The following TRIO variants were observed in gnomAD, a reference collection of about 807,000 sequenced individuals.
The protein encoded by TRIO is trio Rho guanine nucleotide exchange factor.
TRIO carries 58 observed loss-of-function variants against 351.9 expected under a neutral mutation model. The observed-to-expected ratio is 0.16, with a 90% CI of 0.13 to 0.21. TRIO has a LOEUF of 0.21. Among genes scored for constraint, TRIO ranks in the 10% least tolerant of loss-of-function variants. The pLI, the probability that TRIO is intolerant of heterozygous loss-of-function variation, is 1.00. For missense variants in TRIO, 3,201 were observed against 4,027.8 expected (o/e 0.79, Z 5.56); for synonymous variants, 1,758 against 1,595.7 (o/e 1.10, Z -2.42).
rs56690351 is a variant in TRIO, at chr5:14,268,677, A to G, written c.158-2148A>G. Among the ~76,000 whole-genome samples the G allele has an allele frequency of 8.7e-3, 1,329 of 152,314 alleles. 14 individuals carry two copies. The highest frequency in any genetic ancestry group is 0.03 in the African/African-American group (1,251 of 41,562). Reference sequence around the variant, plus strand: ...GCTTACTCCTTCCTAGTATTTGTCTATCATGTGATCTGTCCCCTCCTCATT... The same window carrying G: ...GCTTACTCCTTCCTAGTATTTGTCTGTCATGTGATCTGTCCCCTCCTCATT... On this transcript the variant is annotated intron_variant, in intron 1 of 56. Transcript: ENST00000344204.
chr5:14,440,573 C>T (rs1751948078), intron 34 of TRIO, among the ~76,000 whole-genome samples: 1 of 152,202 alleles, frequency 6.6e-6, no homozygotes, highest in Admixed American at 6.5e-5. Context: ...AGTTCGCATG[C>T]AAGAATTTAC....
intron 8 of TRIO, among the ~76,000 whole-genome samples, chr5:14,308,960 C>G (rs1421438467): frequency 1.3e-5 from 2 of 151,964 alleles, no homozygotes; most frequent in African/African-American, 2.4e-5. Flanking sequence ...CCTATCCATA[C>G]ACCCAGTCAC....
chr5:14,421,604 A>G lies in TRIO; in HGVS notation c.5203+1583A>G, dbSNP rs1413392801. ...GGGCAACAGAGCAAGACTCCATCTG[A>G]AAAAAAAAAAAAAAAAGATTGTTTG... On this transcript the variant is annotated intron_variant, in intron 34 of 56. Transcript: ENST00000344204. Among the ~76,000 whole-genome samples the G allele has an allele frequency of 1.2e-4, 11 of 89,926 alleles. No homozygotes were observed. In the African/African-American group the frequency reaches 1.5e-3, roughly 12 times the overall value. The allele number at this position is 89,926 out of a possible 152,430, so 59.0% of individuals were successfully genotyped here.
chr5:14,366,843 C>G lies in TRIO; in HGVS notation c.2755-17C>G. ...TGGGAAGTCCACTGCTTGGAGTTAT[C>G]CTGTGTAATGTTTCAGGTGCTGGGT... is the stretch of plus-strand genomic sequence containing the variant. On this transcript the variant is annotated splice_polypyrimidine_tract_variant and intron_variant, in intron 15 of 56. Transcript: ENST00000344204. 6.2e-7 allele frequency: 1 copy of G among 1,614,056 alleles called. No homozygotes were observed. The highest frequency in any genetic ancestry group is 1.1e-5 in the South Asian group (1 of 91,058).
At chr5:14,279,356 GGTT>G (rs1380689478) in intron 2 of TRIO, among the ~76,000 whole-genome samples, 2 of 147,152 alleles carry the variant, frequency 1.4e-5, no homozygotes, top group East Asian at 4.6e-4. Flanking sequence ...GAATCTTCTG[GGTT>G]TTTTTTTATT....
intron 2 of TRIO, among the ~76,000 whole-genome samples, chr5:14,275,866 G>GTATATATA (rs56388390): frequency 4.2e-4 from 61 of 143,940 alleles, no homozygotes; most frequent in East Asian, 3.6e-3. Context: ...CTCTATGTGT[G>GTATATATA]TATATATATA....
intron 1 of TRIO, among the ~76,000 whole-genome samples, chr5:14,226,273 T>G (rs564723940): frequency 6.6e-6 from 1 of 151,952 alleles, no homozygotes; most frequent in African/African-American, 2.4e-5. Context: ...GTCTGATTGG[T>G]GTCACCAGGT....
chr5:14,242,149 G>T (rs964847928), intron 1 of TRIO, among the ~76,000 whole-genome samples: 1 of 152,246 alleles, frequency 6.6e-6, no homozygotes, highest in Non-Finnish European at 1.5e-5. Context: ...CTGCCAAGTG[G>T]CAGAGACAGG....
intron 34 of TRIO, among the ~76,000 whole-genome samples, chr5:14,449,882 C>A (rs552265334): frequency 6.6e-6 from 1 of 152,302 alleles, no homozygotes; most frequent in Admixed American, 6.5e-5. Flanking sequence ...TTAATTTCTT[C>A]ACGTTTCTTT....
At chr5:14,147,509 C>T (rs566835006) in intron 1 of TRIO, among the ~76,000 whole-genome samples, 4 of 152,134 alleles carry the variant, frequency 2.6e-5, no homozygotes, top group East Asian at 3.8e-4. Flanking sequence ...CTGCCTGGCA[C>T]GCTTTAGGTT....
intron 34 of TRIO, among the ~76,000 whole-genome samples, chr5:14,436,468 A>G (rs1442071023): frequency 1.3e-5 from 2 of 152,152 alleles, no homozygotes; most frequent in South Asian, 2.1e-4. Flanking sequence ...CCCAAATCTC[A>G]TGTCATCACC....
chr5:14,378,184 C>G, intron 20 of TRIO, 57 bp downstream of exon 20: 1 of 1,306,654 alleles, frequency 7.7e-7, no homozygotes, highest in Non-Finnish European at 1.1e-6. Context: ...ACACCTGTCT[C>G]CACAGAGAGG....
At chr5:14,378,534 A>G (rs1303739596) in intron 20 of TRIO, among the ~76,000 whole-genome samples, 2 of 151,894 alleles carry the variant, frequency 1.3e-5, no homozygotes, top group Non-Finnish European at 2.9e-5. Context: ...TAAGTAGGAA[A>G]TGTGACAGAA....
intron 43 of TRIO, 55 bp from the exon 44 acceptor site, chr5:14,481,179 G>A: frequency 1.3e-6 from 2 of 1,561,838 alleles, no homozygotes; most frequent in Non-Finnish European, 1.7e-6. Context: ...AAAATAAAAG[G>A]TCAGCTGCTG....
intron 1 of TRIO, among the ~76,000 whole-genome samples, chr5:14,244,756 G>C (rs1234896996): frequency 6.6e-6 from 1 of 152,222 alleles, no homozygotes; most frequent in Non-Finnish European, 1.5e-5. Context: ...ACTCCTTGCC[G>C]TCAGCCTGGA....
In TRIO at chr5:14,368,851, C is replaced by T. The variant is rs367798910; in HGVS notation, c.3018C>T (p.Arg1006=). ...AGCTCATGCTCAAGATGGAAGATCG[C>T]CTCAAGCTCGTCAACGCCTCTGTCG... ...WQQLMLKMED[R]LKLVNASVAF... is the part of the protein sequence containing the mutation. Residue 1006 remains arginine (R), a synonymous_variant, in exon 17 of 57, where the codon CGC becomes CGT. Transcript: ENST00000344204. The T allele has an allele frequency of 2.5e-6, 4 of 1,614,008 alleles. No homozygotes were observed. Among genetic ancestry groups the T allele is most frequent in the South Asian group, 1.1e-5 (1 of 91,080 alleles).
chr5:14,488,823 A>G, intron 48 of TRIO: 2 of 662,998 alleles, frequency 3.0e-6, no homozygotes, highest in Admixed American at 2.3e-5. Context: ...GCTTTACGTC[A>G]CCGTGTTGCT....
chr5:14,308,895 A>G (rs1048598408), intron 8 of TRIO, among the ~76,000 whole-genome samples: 5 of 150,832 alleles, frequency 3.3e-5, no homozygotes, highest in African/African-American at 7.3e-5. Context: ...CAGTCACCCA[A>G]CCACCCATCC....
intron 21 of TRIO, among the ~76,000 whole-genome samples, chr5:14,385,181 C>T (rs1013795030): frequency 1.3e-5 from 2 of 152,236 alleles, no homozygotes; most frequent in African/African-American, 4.8e-5. Context: ...TGCCCCCTCG[C>T]ACTCCTGCCT....
Sources: gnomAD v4.1 joint callset for allele counts (sites outside exome capture counted in the v4.1 genomes callset) on GRCh38, gnomAD v4.1.1 for gene constraint, MANE v1.5 for transcripts, NCBI Gene and HGNC (gene_info 2026-07-23, HGNC 2026-07-21) for gene names.